The following DACH2 variants were observed in gnomAD, a reference collection of about 807,000 sequenced individuals.
The protein encoded by DACH2 is dachshund family transcription factor 2, also known as dachshund homolog 2.
DACH2 carries 17 observed loss-of-function variants against 35.8 expected under a neutral mutation model. The ratio of observed to expected loss-of-function variants is 0.48; its 90% CI spans 0.33 to 0.71. DACH2 has a LOEUF of 0.71. DACH2 is among the 30% of genes least tolerant of loss of function. DACH2 has a pLI of 0.02. For missense variants in DACH2, 469 were observed against 472.7 expected (o/e 0.99, Z 0.07); for synonymous variants, 195 against 177.3 (o/e 1.10, Z -0.79).
intron 1 of DACH2, among the ~76,000 whole-genome samples, chrX:86,226,522 C>A (rs771974721): frequency 8.9e-6 from 1 of 111,733 alleles, no homozygotes; most frequent in Non-Finnish European, 1.9e-5. Flanking sequence ...ACTCTCTGAT[C>A]TAGCCTTCTC....
intron 3 of DACH2, among the ~76,000 whole-genome samples, chrX:86,534,697 C>G (rs1602618380): frequency 9.0e-6 from 1 of 111,115 alleles, no homozygotes; most frequent in East Asian, 2.8e-4. Context: ...AGTGCTTTCT[C>G]TTTTTTAATT....
At position 86,360,266 on chromosome X, in the gene DACH2, C is replaced by A. The variant is rs1046771123; in HGVS notation, c.489-16558C>A. Among the ~76,000 whole-genome samples the A allele has an allele frequency of 4.5e-5, 5 of 110,335 alleles. No individual in the cohort carries two copies. The Admixed American group carries it at 4.9e-4, about 11-fold the overall frequency. Reference sequence around the variant, plus strand: ...AACACAGAATCAGATGTTTATATATCATCATTATTGCCAGCCTACAGAATG... The same window carrying A: ...AACACAGAATCAGATGTTTATATATAATCATTATTGCCAGCCTACAGAATG... On this transcript the variant is annotated intron_variant, in intron 1 of 11. Transcript: ENST00000373125.
intron 5 of DACH2, among the ~76,000 whole-genome samples, chrX:86,698,441 G>A (rs1403692865): frequency 3.8e-5 from 4 of 105,158 alleles, no homozygotes; most frequent in East Asian, 3.0e-4. Flanking sequence ...TTTATGTAAC[G>A]AAAGGAAGAG....
chrX:86,802,982 T>G (rs1369691256), intron 7 of DACH2, among the ~76,000 whole-genome samples: 1 of 112,174 alleles, frequency 8.9e-6, no homozygotes, highest in Non-Finnish European at 1.9e-5. Flanking sequence ...TCATAAAATG[T>G]TATTTTTTGT....
intron 1 of DACH2, among the ~76,000 whole-genome samples, chrX:86,347,814 A>T (rs2035522915): frequency 8.9e-6 from 1 of 112,246 alleles, no homozygotes; most frequent in African/African-American, 3.2e-5. Flanking sequence ...TCATTCCATT[A>T]ATCAGTATCG....
rs1385177888 is a variant in DACH2 at position 86,599,461 on chromosome X, C to CT, written c.641-51575_641-51574insT. Among the ~76,000 whole-genome samples the CT allele has an allele frequency of 3.6e-3, 151 of 41,694 alleles. 1 individual carries two copies. Among genetic ancestry groups the CT allele is most frequent in the Admixed American group, 0.024 (102 of 4,322 alleles). 36.2% of individuals were successfully genotyped at this position (41,694 alleles called of 115,157 possible). On this transcript the variant is annotated intron_variant, in intron 3 of 11. Transcript: ENST00000373125. ...CTCTCTTTCTTTCCCTTCCTTCCTT[C>CT]CTTCTTTTCTTTCTTTCTTTCTTTC...
chrX:86,236,886 A>G (rs749330801), intron 1 of DACH2, among the ~76,000 whole-genome samples: 1 of 112,516 alleles, frequency 8.9e-6, no homozygotes, highest in East Asian at 2.8e-4. Flanking sequence ...TGAATAATAA[A>G]TTAACCTTAG....
chrX:86,244,663 A>G (rs2033240619), intron 1 of DACH2, among the ~76,000 whole-genome samples: 1 of 111,948 alleles, frequency 8.9e-6, no homozygotes, highest in Non-Finnish European at 1.9e-5. Context: ...TGTCTGTGTG[A>G]CATGCAACTC....
intron 3 of DACH2, among the ~76,000 whole-genome samples, chrX:86,649,664 T>A (rs922725661): frequency 2.7e-5 from 3 of 111,407 alleles, no homozygotes; most frequent in African/African-American, 9.8e-5. Context: ...TCTAATGTGA[T>A]GAAAAGTTTG....
Position 86,470,825 on chromosome X carries a change from G to A in DACH2, c.528-43454G>A, listed in dbSNP as rs187128157. On this transcript the variant is annotated intron_variant, in intron 2 of 11. Transcript: ENST00000373125. ...ACATTATATGTCAAAAACAAAAGAG[G>A]TTTTTTTGCAGTGCTATAATTTAGT... 1.6e-4 allele frequency among the ~76,000 whole-genome samples: 18 copies of A among 111,060 alleles called. No individual in the cohort carries two copies. The East Asian group carries it at 4.8e-3, about 30-fold the overall frequency.
intron 1 of DACH2, among the ~76,000 whole-genome samples, chrX:86,308,623 G>T (rs1465700756): frequency 1.3e-4 from 14 of 111,782 alleles, no homozygotes; most frequent in Non-Finnish European, 1.9e-5. Context: ...TGAAGGGGAG[G>T]CCGGGTCCCC....
intron 7 of DACH2, among the ~76,000 whole-genome samples, chrX:86,773,244 A>G (rs1219954674): frequency 8.9e-6 from 1 of 111,985 alleles, no homozygotes; most frequent in Non-Finnish European, 1.9e-5. Flanking sequence ...CCTGTTTAAG[A>G]AGAAATTGTA....
chrX:86,706,143 A>G (rs2041214258), intron 5 of DACH2, among the ~76,000 whole-genome samples: 1 of 111,509 alleles, frequency 9.0e-6, no homozygotes, highest in African/African-American at 3.3e-5. Context: ...CATTATGGGT[A>G]CAGTGTACAC....
At chrX:86,365,074 C>T (rs919960982) in intron 1 of DACH2, among the ~76,000 whole-genome samples, 5 of 111,633 alleles carry the variant, frequency 4.5e-5, no homozygotes, top group African/African-American at 1.6e-4. Context: ...AAATGGCTAA[C>T]AATCTTCATA....
At chrX:86,349,533 C>T (rs2035556199) in intron 1 of DACH2, among the ~76,000 whole-genome samples, 1 of 112,336 alleles carries the variant, frequency 8.9e-6, no homozygotes, top group Non-Finnish European at 1.9e-5. Flanking sequence ...GGAGCCCTCG[C>T]CAGGGACCGT....
At chrX:86,393,726 C>G (rs1202275147) in intron 2 of DACH2, among the ~76,000 whole-genome samples, 1 of 110,871 alleles carries the variant, frequency 9.0e-6, no homozygotes. Flanking sequence ...CTTGGTGATG[C>G]CTATAAGCAG....
chrX:86,657,133 G>A (rs1444757944), intron 4 of DACH2, among the ~76,000 whole-genome samples: 1 of 107,653 alleles, frequency 9.3e-6, no homozygotes, highest in Non-Finnish European at 1.9e-5. Context: ...AGGGTTAACA[G>A]GTACAAAAAT....
intron 1 of DACH2, among the ~76,000 whole-genome samples, chrX:86,192,162 A>C (rs1024774711): frequency 9.0e-6 from 1 of 111,364 alleles, no homozygotes; most frequent in African/African-American, 3.3e-5. Flanking sequence ...GGTGTTCTTC[A>C]ATGCAGATTC....
At chrX:86,538,730 A>G (rs1443319159) in intron 3 of DACH2, among the ~76,000 whole-genome samples, 1 of 109,791 alleles carries the variant, frequency 9.1e-6, no homozygotes, top group Non-Finnish European at 1.9e-5. Context: ...CATGACCCAA[A>G]CACCTCCCCT....
Sources: gnomAD v4.1 joint callset for allele counts (sites outside exome capture counted in the v4.1 genomes callset) on GRCh38, gnomAD v4.1.1 for gene constraint, MANE v1.5 for transcripts, NCBI Gene and HGNC (gene_info 2026-07-23, HGNC 2026-07-21) for gene names.